RABGAP1L: variants seen among roughly 807,000 people sequenced by gnomAD.
The protein encoded by RABGAP1L is RAB GTPase activating protein 1 like, also known as rab GTPase-activating protein 1-like.
In RABGAP1L, 63 loss-of-function variants were observed where a neutral mutation model predicts 137.7. The ratio of observed to expected loss-of-function variants is 0.46; its 90% CI spans 0.37 to 0.56. RABGAP1L has a LOEUF of 0.56. Among genes scored for constraint, RABGAP1L ranks in the 20% least tolerant of loss-of-function variants. RABGAP1L has a pLI of 0.00. For missense variants in RABGAP1L, 1,095 were observed against 1,244.0 expected (o/e 0.88, Z 1.80); for synonymous variants, 431 against 433.7 (o/e 0.99, Z 0.08).
intron 19 of RABGAP1L, among the ~76,000 whole-genome samples, chr1:174,882,060 C>T (rs61828121): frequency 0.093 from 14,170 of 151,976 alleles, 877 homozygotes; most frequent in East Asian, 0.22. Flanking sequence ...GGGGTTTCTC[C>T]ATGTTGGTCA....
chr1:174,886,812 C>CTTTTT (rs11385190), intron 19 of RABGAP1L, among the ~76,000 whole-genome samples: 3 of 149,148 alleles, frequency 2.0e-5, no homozygotes, highest in Non-Finnish European at 3.0e-5. Context: ...CCATTTAATT[C>CTTTTT]TTTTTTTTTT....
intron 11 of RABGAP1L, among the ~76,000 whole-genome samples, chr1:174,370,264 A>ATT (rs1333811690): frequency 6.6e-6 from 1 of 152,030 alleles, no homozygotes; most frequent in East Asian, 1.9e-4. Context: ...CATTGTGTCT[A>ATT]TTGTTCTTTC....
At chr1:174,196,309 T>C (rs1199640709) in intron 1 of RABGAP1L, among the ~76,000 whole-genome samples, 2 of 150,968 alleles carry the variant, frequency 1.3e-5, no homozygotes, top group Non-Finnish European at 3.0e-5. Flanking sequence ...CTGCAAGCTC[T>C]GCCTCCTGGG....
chr1:174,272,359 G>C, intron 7 of RABGAP1L, 55 bp from the exon 8 acceptor site: 1 of 1,556,870 alleles, frequency 6.4e-7, no homozygotes, highest in Non-Finnish European at 8.7e-7. Context: ...TGCTCACTGG[G>C]CTTCTATATA....
chr1:174,544,030 T>C (rs1665751758), intron 13 of RABGAP1L, among the ~76,000 whole-genome samples: 1 of 152,216 alleles, frequency 6.6e-6, no homozygotes, highest in Non-Finnish European at 1.5e-5. Flanking sequence ...CCTTAACATT[T>C]TTTCCTTTAT....
At chr1:174,807,253 T>A (rs1003324315) in intron 18 of RABGAP1L, among the ~76,000 whole-genome samples, 4 of 152,170 alleles carry the variant, frequency 2.6e-5, no homozygotes, top group African/African-American at 9.7e-5. Context: ...TTTTAAAAAA[T>A]TTTTTATTTT....
chr1:174,221,418 ATACT>A (rs1329008009), intron 3 of RABGAP1L, among the ~76,000 whole-genome samples: 1 of 152,212 alleles, frequency 6.6e-6, no homozygotes, highest in South Asian at 2.1e-4. Flanking sequence ...TCCTCAACAG[ATACT>A]TACTGAACAA....
intron 13 of RABGAP1L, among the ~76,000 whole-genome samples, chr1:174,610,262 G>A (rs1357100178): frequency 7.3e-6 from 1 of 137,844 alleles, no homozygotes; most frequent in Non-Finnish European, 1.5e-5. Context: ...GTGTCCATGT[G>A]TTCTCATAGT....
At chr1:174,625,274 A>C (rs1672863757) in intron 13 of RABGAP1L, among the ~76,000 whole-genome samples, 1 of 152,176 alleles carries the variant, frequency 6.6e-6, no homozygotes, top group Non-Finnish European at 1.5e-5. Flanking sequence ...AGAGTCAGAG[A>C]CTTATTCTTG....
Position 174,993,627 on chromosome 1 carries a change from A to ATAC in RABGAP1L, c.*3628_*3630dup, listed in dbSNP as rs1315941757. 6.6e-6 allele frequency: 1 copy of ATAC among 152,236 alleles called. No homozygotes were observed. The highest frequency in any genetic ancestry group is 6.5e-5 in the Admixed American group (1 of 15,290). The allele number at this position is 152,236 out of a possible 1,614,324, so 9.4% of individuals were successfully genotyped here. On this transcript the variant is annotated 3_prime_UTR_variant, in exon 26 of 26. Transcript: ENST00000681986. ...AACTGATGTAGGGGTTTAAGTCTTC[A>ATAC]TACTTTCACTAAAATCTGTCTACTA...
intron 17 of RABGAP1L, among the ~76,000 whole-genome samples, chr1:174,744,620 A>C (rs187651021): frequency 6.6e-6 from 1 of 152,340 alleles, no homozygotes; most frequent in Admixed American, 6.5e-5. Flanking sequence ...TGCCCAAAAT[A>C]CATATTCTGA....
At chr1:174,892,632 T>A in intron 19 of RABGAP1L, 1 of 534,528 alleles carries the variant, frequency 1.9e-6, no homozygotes. Context: ...ATTTTCTTAT[T>A]TGATGAGGCT....
intron 13 of RABGAP1L, among the ~76,000 whole-genome samples, chr1:174,452,519 A>C (rs906520010): frequency 6.6e-6 from 1 of 152,102 alleles, no homozygotes; most frequent in Non-Finnish European, 1.5e-5. Context: ...TGGCACATAA[A>C]AAGTGTTCAG....
In RABGAP1L at chr1:174,848,418, C is replaced by G. The variant is rs1286646895; in HGVS notation, c.2340+36458C>G. On this transcript the variant is annotated intron_variant, in intron 19 of 25. Transcript: ENST00000681986. ...CAGATGGGTTTTTGGTGTGGATGTC[C>G]TTTCTGTTTGTTAGTTTTCCTTCTA... Among the ~76,000 whole-genome samples, 1,386 of 141,682 alleles carry G rather than the reference C, an allele frequency of 9.8e-3. 50 individuals are homozygous for G. The highest frequency in any genetic ancestry group is 0.034 in the African/African-American group (1,231 of 36,040). The allele number at this position is 141,682 out of a possible 152,430, so 92.9% of individuals were successfully genotyped here. A position where few individuals can be genotyped will look rare whatever the true frequency, so the allele number is the denominator to read the frequency against.
intron 13 of RABGAP1L, among the ~76,000 whole-genome samples, chr1:174,423,189 C>T (rs1651546486): frequency 6.6e-6 from 1 of 152,086 alleles, no homozygotes; most frequent in Non-Finnish European, 1.5e-5. Context: ...GGATCTAAAG[C>T]TGTCACCCAA....
At chr1:174,323,492 T>C (rs1680190914) in intron 11 of RABGAP1L, among the ~76,000 whole-genome samples, 1 of 152,126 alleles carries the variant, frequency 6.6e-6, no homozygotes, top group Non-Finnish European at 1.5e-5. Flanking sequence ...ACATTCTAGA[T>C]CTTATATATT....
chr1:174,729,825 G>A (rs1008710514), intron 17 of RABGAP1L, among the ~76,000 whole-genome samples: 2 of 152,156 alleles, frequency 1.3e-5, no homozygotes. Flanking sequence ...AATAACAGAT[G>A]CTGGTGATGC....
At chr1:174,741,199 T>C (rs1396077911) in intron 17 of RABGAP1L, among the ~76,000 whole-genome samples, 2 of 152,114 alleles carry the variant, frequency 1.3e-5, no homozygotes, top group South Asian at 2.1e-4. Flanking sequence ...TCTTCTAATA[T>C]TTCTATAGTA....
At chr1:174,649,301 G>T (rs1675257374) in intron 14 of RABGAP1L, among the ~76,000 whole-genome samples, 1 of 152,056 alleles carries the variant, frequency 6.6e-6, no homozygotes, top group Admixed American at 6.6e-5. Flanking sequence ...AGTGTTGATG[G>T]TCTTTACAAT....
Sources: allele counts gnomAD v4.1 joint callset (sites outside exome capture counted in the v4.1 genomes callset), GRCh38; gene constraint gnomAD v4.1.1; transcripts MANE v1.5; gene names NCBI Gene and HGNC (gene_info 2026-07-23, HGNC 2026-07-21).